DYM: variants seen among roughly 807,000 people sequenced by gnomAD.
The protein encoded by DYM is dymeclin, also known as dyggve-Melchior-Clausen syndrome protein.
Under a neutral mutation model 93.1 loss-of-function variants are expected in DYM, and 78 were observed. The ratio of observed to expected loss-of-function variants is 0.84; its 90% CI spans 0.70 to 1.01. DYM has a LOEUF of 1.01. Ranked by LOEUF, DYM falls within the 50% of genes least tolerant of loss-of-function variation. DYM has a pLI of 0.00. For missense variants in DYM, 789 were observed against 845.0 expected (o/e 0.93, Z 0.82); for synonymous variants, 321 against 319.7 (o/e 1.00, Z -0.04).
chr18:49,238,032 C>G (rs556301540), intron 13 of DYM, among the ~76,000 whole-genome samples: 4 of 151,738 alleles, frequency 2.6e-5, no homozygotes, highest in Non-Finnish European at 5.9e-5. Context: ...TAAACTAGTA[C>G]ATTGTCATTT....
chr18:49,265,211 A>G (rs2094550639), intron 11 of DYM, among the ~76,000 whole-genome samples: 1 of 152,328 alleles, frequency 6.6e-6, no homozygotes. Flanking sequence ...ACTGGGGTCA[A>G]TGATGGATGA....
At chr18:49,145,107 T>TCA (rs200335689) in intron 15 of DYM, among the ~76,000 whole-genome samples, 15,168 of 30,472 alleles carry the variant, frequency 0.5, 2,287 homozygotes, top group Middle Eastern at 0.61. Flanking sequence ...TCAAAAAAAT[T>TCA]CATATATATA....
At chr18:49,309,506 A>G (rs2061464900) in intron 8 of DYM, among the ~76,000 whole-genome samples, 1 of 152,084 alleles carries the variant, frequency 6.6e-6, no homozygotes, top group Non-Finnish European at 1.5e-5. Context: ...GTTGTGGTGT[A>G]TGTTTGTAGT....
intron 17 of DYM, among the ~76,000 whole-genome samples, chr18:49,083,705 T>C (rs1334463797): frequency 6.6e-6 from 1 of 152,214 alleles, no homozygotes; most frequent in Non-Finnish European, 1.5e-5. Context: ...TTTTTAATAT[T>C]TCTTTTTAAG....
intron 14 of DYM, among the ~76,000 whole-genome samples, chr18:49,197,615 G>A (rs1035611952): frequency 6.6e-6 from 1 of 152,094 alleles, no homozygotes; most frequent in Non-Finnish European, 1.5e-5. Flanking sequence ...AATCATGAGT[G>A]AACTCCCATT....
chr18:49,276,462 T>A (rs2094849017), intron 10 of DYM, among the ~76,000 whole-genome samples: 1 of 152,158 alleles, frequency 6.6e-6, no homozygotes, highest in Non-Finnish European at 1.5e-5. Flanking sequence ...AATAGCACTT[T>A]AATTCTGAAA....
intron 2 of DYM, among the ~76,000 whole-genome samples, chr18:49,392,950 G>A (rs187173534): frequency 1.1e-3 from 160 of 147,078 alleles, no homozygotes; most frequent in African/African-American, 3.2e-3. Context: ...AGCCAAGATC[G>A]TGCCACTGCA....
chr18:49,281,893 T>G, intron 10 of DYM, 104 bp downstream of exon 10: 1 of 1,103,974 alleles, frequency 9.1e-7, no homozygotes, highest in Non-Finnish European at 1.3e-6. Context: ...ACATGGCACA[T>G]GTATACATAT....
intron 16 of DYM, among the ~76,000 whole-genome samples, chr18:49,107,341 A>C (rs2080937016): frequency 6.6e-6 from 1 of 152,094 alleles, no homozygotes; most frequent in Non-Finnish European, 1.5e-5. Flanking sequence ...CTTCTTTGCC[A>C]TGGGTTCAAA....
chr18:49,132,482 A>G (rs1164555034), intron 15 of DYM, among the ~76,000 whole-genome samples: 1 of 152,142 alleles, frequency 6.6e-6, no homozygotes, highest in Non-Finnish European at 1.5e-5. Context: ...CACTGTTAAA[A>G]AAGGAGGTTG....
chr18:49,329,292 G>T (rs8098926), intron 8 of DYM, among the ~76,000 whole-genome samples: 4 of 130,356 alleles, frequency 3.1e-5, no homozygotes, highest in South Asian at 3.0e-4. Context: ...TGTGGGGTGG[G>T]GGGGAGGGGG....
chr18:49,165,583 C>T (rs2087762730), intron 14 of DYM, among the ~76,000 whole-genome samples: 1 of 151,986 alleles, frequency 6.6e-6, no homozygotes, highest in African/African-American at 2.4e-5. Context: ...CAACTCATAT[C>T]ATCAAGGAAA....
chr18:49,317,940 G>C (rs771290774), intron 8 of DYM, among the ~76,000 whole-genome samples: 1 of 152,016 alleles, frequency 6.6e-6, no homozygotes, highest in Non-Finnish European at 1.5e-5. Flanking sequence ...TCATATTCTA[G>C]AGGGGATAGT....
intron 1 of DYM, among the ~76,000 whole-genome samples, chr18:49,441,697 G>A (rs1421759487): frequency 1.3e-5 from 2 of 151,988 alleles, no homozygotes. Flanking sequence ...CAGCCGACCT[G>A]AGGAAGCCCC....
chr18:49,306,159 T>A (rs1057318987), intron 8 of DYM, among the ~76,000 whole-genome samples: 2 of 152,062 alleles, frequency 1.3e-5, no homozygotes, highest in Non-Finnish European at 1.5e-5. Context: ...CCAAGATACA[T>A]GAAGAATAGA....
At chr18:49,092,249 T>C (rs143703044) in intron 17 of DYM, among the ~76,000 whole-genome samples, 2 of 152,346 alleles carry the variant, frequency 1.3e-5, no homozygotes, top group East Asian at 3.8e-4. Flanking sequence ...AGTTGGACAC[T>C]AAGCTGAACT....
At chr18:49,436,651 G>T (rs761131144) in intron 1 of DYM, among the ~76,000 whole-genome samples, 1 of 152,184 alleles carries the variant, frequency 6.6e-6, no homozygotes, top group Non-Finnish European at 1.5e-5. Flanking sequence ...AGTTAGGATT[G>T]TAGGTCTAAT....
intron 14 of DYM, chr18:49,206,008 TTTG>T (rs1445971673): frequency 1.1e-5 from 2 of 174,294 alleles, no homozygotes; most frequent in Non-Finnish European, 2.3e-5. Flanking sequence ...TTTTTGTTTT[TTTG>T]TTTTTTGCGG....
intron 14 of DYM, among the ~76,000 whole-genome samples, chr18:49,174,067 G>T (rs1450110264): frequency 6.6e-6 from 1 of 151,992 alleles, no homozygotes; most frequent in Admixed American, 6.6e-5. Context: ...TTCATAAATG[G>T]CCATTGAATT....
Sources: allele counts gnomAD v4.1 joint callset (sites outside exome capture counted in the v4.1 genomes callset), GRCh38; gene constraint gnomAD v4.1.1; transcripts MANE v1.5; gene names NCBI Gene and HGNC (gene_info 2026-07-23, HGNC 2026-07-21).